Variants in MIPOL1 observed in about 807,000 individuals in gnomAD.
MIPOL1 encodes the protein mirror-image polydactyly 1.
A neutral mutation model predicts 60.9 loss-of-function variants in MIPOL1; 57 were observed. The ratio of observed to expected loss-of-function variants is 0.94; its 90% CI spans 0.76 to 1.17. The LOEUF is 1.17. MIPOL1 is among the 50% of genes most tolerant of loss of function. The pLI, the probability that MIPOL1 is intolerant of heterozygous loss-of-function variation, is 0.00. For missense variants in MIPOL1, 551 were observed against 511.6 expected, an observed-to-expected ratio of 1.08 and a Z score of -0.74; for synonymous variants, 179 against 168.8, an observed-to-expected ratio of 1.06 and a Z score of -0.47.
intron 12 of MIPOL1, among the ~76,000 whole-genome samples, chr14:37,523,812 A>G (rs916426764): frequency 4.6e-5 from 7 of 152,214 alleles, no homozygotes; most frequent in Admixed American, 2.6e-4. Flanking sequence ...TTAGTTTAAT[A>G]TGATGAGGAA....
intron 10 of MIPOL1, among the ~76,000 whole-genome samples, chr14:37,372,579 A>T (rs2092669160): frequency 6.6e-6 from 1 of 151,722 alleles, no homozygotes; most frequent in South Asian, 2.1e-4. Context: ...CATAATGAAA[A>T]CCCGTCTCTA....
intron 11 of MIPOL1, among the ~76,000 whole-genome samples, chr14:37,423,205 T>G (rs1230439892): frequency 6.6e-6 from 1 of 151,654 alleles, no homozygotes; most frequent in Non-Finnish European, 1.5e-5. Flanking sequence ...GTTGTCTAAA[T>G]GAAGCCTGGA....
At chr14:37,490,480 C>T (rs966829026) in intron 11 of MIPOL1, among the ~76,000 whole-genome samples, 2 of 152,120 alleles carry the variant, frequency 1.3e-5, no homozygotes, top group Non-Finnish European at 2.9e-5. Context: ...GCTGACATTC[C>T]AGGTGCCACC....
chr14:37,519,931 T>G (rs2095400584), intron 12 of MIPOL1, among the ~76,000 whole-genome samples: 1 of 152,176 alleles, frequency 6.6e-6, no homozygotes, highest in African/African-American at 2.4e-5. Context: ...AATTCATGTT[T>G]GGAACCTTCA....
rs148125983 is a variant in MIPOL1 at position 37,295,410 on chromosome 14, A to C, written c.623+9963A>C. ...AACTGCATCAACTAATAAGCAAAAT[A>C]ACCAGCTAACATCATAATGACAGGA... On this transcript the variant is annotated intron_variant, in intron 7 of 12. Transcript: ENST00000684589. Among the ~76,000 whole-genome samples, 18 of 152,318 alleles carry C rather than the reference A, an allele frequency of 1.2e-4. No homozygotes were observed. The East Asian group carries it at 1.4e-3, about 11-fold the overall frequency.
chr14:37,340,963 CA>C (rs745480054), intron 9 of MIPOL1, among the ~76,000 whole-genome samples: 1 of 152,060 alleles, frequency 6.6e-6, no homozygotes, highest in Non-Finnish European at 1.5e-5. Flanking sequence ...TTTAGATGCA[CA>C]AATACTTAAC....
At chr14:37,519,852 C>G (rs115130374) in intron 12 of MIPOL1, among the ~76,000 whole-genome samples, 5 of 152,032 alleles carry the variant, frequency 3.3e-5, no homozygotes, top group African/African-American at 1.2e-4. Flanking sequence ...TTCCACCTTG[C>G]GGAATTTGGC....
intron 7 of MIPOL1, among the ~76,000 whole-genome samples, chr14:37,305,807 A>C (rs1281505027): frequency 6.6e-6 from 1 of 151,814 alleles, no homozygotes. Context: ...TATCACTATA[A>C]TTATATCAGT....
chr14:37,208,271 A>G (rs550953943), intron 1 of MIPOL1, among the ~76,000 whole-genome samples: 4 of 152,330 alleles, frequency 2.6e-5, no homozygotes, highest in South Asian at 4.1e-4. Context: ...CTTGAGTACA[A>G]GAAGAATCGT....
intron 10 of MIPOL1, among the ~76,000 whole-genome samples, chr14:37,395,539 ATTGAT>A (rs2093355680): frequency 6.6e-6 from 1 of 152,054 alleles, no homozygotes; most frequent in Non-Finnish European, 1.5e-5. Flanking sequence ...GGGTTGAGTC[ATTGAT>A]TTGATTCTCT....
intron 9 of MIPOL1, among the ~76,000 whole-genome samples, chr14:37,345,767 A>C (rs1426084120): frequency 1.3e-5 from 2 of 152,200 alleles, no homozygotes; most frequent in African/African-American, 2.4e-5. Context: ...AGAACTAGGA[A>C]GTACATACAC....
rs189130628 is a variant in MIPOL1 at position 37,384,521 on chromosome 14, A to T, written c.936+14897A>T. 5.3e-3 allele frequency among the ~76,000 whole-genome samples: 809 copies of T among 151,798 alleles called. 10 individuals carry two copies. The highest frequency in any genetic ancestry group is 0.015 in the African/African-American group (611 of 41,474). On this transcript the variant is annotated intron_variant, in intron 10 of 12. Transcript: ENST00000684589. ...AGCACAAAGAAACTACCAGTTTTTT[A>T]AAAAAAATTATCAAATATACAAACA...
chr14:37,495,716 A>G (rs1463941143), intron 11 of MIPOL1, among the ~76,000 whole-genome samples: 2 of 144,352 alleles, frequency 1.4e-5, no homozygotes, highest in African/African-American at 2.6e-5. Context: ...ACTGTCTTCC[A>G]CAATGGTTGA....
intron 9 of MIPOL1, among the ~76,000 whole-genome samples, chr14:37,353,756 A>C (rs868183878): frequency 1.3e-5 from 2 of 152,004 alleles, no homozygotes; most frequent in East Asian, 1.9e-4. Flanking sequence ...GGTGATATCC[A>C]GTTTATCATT....
chr14:37,342,847 T>C (rs1422544724), intron 9 of MIPOL1, among the ~76,000 whole-genome samples: 2 of 152,038 alleles, frequency 1.3e-5, no homozygotes, highest in Non-Finnish European at 2.9e-5. Flanking sequence ...CACTCATTTT[T>C]CTTTGTGACT....
chr14:37,463,055 A>G (rs1023313516), intron 11 of MIPOL1, among the ~76,000 whole-genome samples: 1 of 152,234 alleles, frequency 6.6e-6, no homozygotes, highest in South Asian at 2.1e-4. Context: ...TGATAAAGAC[A>G]TACCTGAGAC....
intron 3 of MIPOL1, among the ~76,000 whole-genome samples, chr14:37,262,280 T>G (rs2082566393): frequency 6.6e-6 from 1 of 152,052 alleles, no homozygotes; most frequent in South Asian, 2.1e-4. Context: ...CTAGTCGGCA[T>G]TGTTCTGATT....
At chr14:37,309,638 T>C (rs1261654564) in intron 9 of MIPOL1, among the ~76,000 whole-genome samples, 1 of 152,070 alleles carries the variant, frequency 6.6e-6, no homozygotes, top group Admixed American at 6.6e-5. Flanking sequence ...GCTTTCTGAC[T>C]ACCAGCTGCT....
chr14:37,551,853 T>C (rs2153645877), downstream of MIPOL1: 1 of 150,092 alleles, frequency 6.7e-6, no homozygotes, highest in East Asian at 2.0e-4. Flanking sequence ...CACTCCAGCC[T>C]GGGTGACAGA....
Sources: allele counts gnomAD v4.1 joint callset (sites outside exome capture counted in the v4.1 genomes callset), GRCh38; gene constraint gnomAD v4.1.1; transcripts MANE v1.5; gene names NCBI Gene and HGNC (gene_info 2026-07-23, HGNC 2026-07-21).